Variants in AKAP19 observed in about 807,000 individuals in gnomAD.
The protein encoded by AKAP19 is small A-kinase anchoring protein.
the AKAP19 span, among the ~76,000 whole-genome samples, chr2:190,147,219 G>T: frequency 0.27 from 40,790 of 151,956 alleles, 5,654 homozygotes; most frequent in Admixed American, 0.37. Flanking sequence ...CCTACATGTG[G>T]CTTGCCAATT....
the AKAP19 span, chr2:189,923,609 C>G: frequency 1.8e-4 from 291 of 1,613,908 alleles, 1 homozygote; most frequent in Non-Finnish European, 1.1e-4. Context: ...AAAAGTGAAC[C>G]GAGGAAAAGC....
At chr2:190,005,895 C>T in the AKAP19 span, among the ~76,000 whole-genome samples, 1 of 152,072 alleles carries the variant, frequency 6.6e-6, no homozygotes, top group Non-Finnish European at 1.5e-5. Context: ...TCACATTTTC[C>T]TTGGTCAATT....
At chr2:190,105,713 TCTCAG>T in the AKAP19 span, among the ~76,000 whole-genome samples, 2 of 152,228 alleles carry the variant, frequency 1.3e-5, no homozygotes, top group African/African-American at 4.8e-5. Flanking sequence ...TTGTCTCCCA[TCTCAG>T]CTCAGCCCTC....
the AKAP19 span, among the ~76,000 whole-genome samples, chr2:189,967,854 T>TAA: frequency 7.2e-6 from 1 of 139,806 alleles, no homozygotes; most frequent in African/African-American, 2.6e-5. Context: ...AATTTGAAAT[T>TAA]AAAAAAAAAA....
chr2:190,028,662 A>C, the AKAP19 span, among the ~76,000 whole-genome samples: 3 of 152,224 alleles, frequency 2.0e-5, no homozygotes, highest in Non-Finnish European at 4.4e-5. Flanking sequence ...TAATTAAGAA[A>C]CATTCCAGCA....
At chr2:189,904,776 A>G in the AKAP19 span, among the ~76,000 whole-genome samples, 2 of 152,014 alleles carry the variant, frequency 1.3e-5, no homozygotes, top group Non-Finnish European at 2.9e-5. Flanking sequence ...TCTAGAGTGA[A>G]AGAACTATGT....
chr2:189,907,253 T>C, the AKAP19 span, among the ~76,000 whole-genome samples: 6 of 152,172 alleles, frequency 3.9e-5, no homozygotes, highest in African/African-American at 1.4e-4. Context: ...TTTTATTTTC[T>C]CTCTGATTTT....
At chr2:189,985,022 T>A in the AKAP19 span, among the ~76,000 whole-genome samples, 1 of 152,082 alleles carries the variant, frequency 6.6e-6, no homozygotes, top group South Asian at 2.1e-4. Context: ...TTGCCACTGA[T>A]AATGTTGTCC....
At chr2:189,912,012 G>A in the AKAP19 span, among the ~76,000 whole-genome samples, 2 of 151,672 alleles carry the variant, frequency 1.3e-5, no homozygotes, top group African/African-American at 4.8e-5. Flanking sequence ...TGTATATCCA[G>A]TTATGGCAAC....
the AKAP19 span, chr2:189,917,578 G>T: frequency 3.5e-5 from 16 of 457,796 alleles, no homozygotes; most frequent in Non-Finnish European, 6.3e-5. Flanking sequence ...AGGTCTTATT[G>T]CTGGGCTCCA....
chr2:190,008,846 A>G, the AKAP19 span, among the ~76,000 whole-genome samples: 1 of 152,104 alleles, frequency 6.6e-6, no homozygotes, highest in Non-Finnish European at 1.5e-5. Context: ...AAAAATGAGT[A>G]AGTAAAGCAG....
At chr2:190,070,480 A>T in the AKAP19 span, among the ~76,000 whole-genome samples, 1 of 151,928 alleles carries the variant, frequency 6.6e-6, no homozygotes, top group South Asian at 2.1e-4. Flanking sequence ...AATTAGATTT[A>T]GCATGAACAT....
chr2:190,021,882 A>G, the AKAP19 span, among the ~76,000 whole-genome samples: 1 of 152,152 alleles, frequency 6.6e-6, no homozygotes, highest in Admixed American at 6.5e-5. Flanking sequence ...AGAACAAAAT[A>G]ATTTGTTTCT....
At chr2:189,994,635 G>A in the AKAP19 span, among the ~76,000 whole-genome samples, 1 of 151,710 alleles carries the variant, frequency 6.6e-6, no homozygotes, top group Non-Finnish European at 1.5e-5. Flanking sequence ...GTCTCATTCT[G>A]TCACCCAAGC....
chr2:190,144,523 C>T, the AKAP19 span, among the ~76,000 whole-genome samples: 1 of 152,082 alleles, frequency 6.6e-6, no homozygotes, highest in African/African-American at 2.4e-5. Context: ...GCATTTCCAC[C>T]CTTTTCTCTC....
At chr2:190,150,655 A>C in the AKAP19 span, among the ~76,000 whole-genome samples, 27 of 152,162 alleles carry the variant, frequency 1.8e-4, no homozygotes, top group Non-Finnish European at 4.4e-5. Context: ...GTATGGAGCT[A>C]AAATTCAAAT....
chr2:189,969,728 CAA>C, the AKAP19 span, among the ~76,000 whole-genome samples: 57 of 49,442 alleles, frequency 1.2e-3, no homozygotes, highest in East Asian at 0.025. Flanking sequence ...GACTCCATCT[CAA>C]AAAAAAAAAA....
At chr2:190,063,968 T>C in the AKAP19 span, among the ~76,000 whole-genome samples, 1 of 152,128 alleles carries the variant, frequency 6.6e-6, no homozygotes, top group African/African-American at 2.4e-5. Flanking sequence ...CTACTCCTTT[T>C]TGGGAAGCTA....
the AKAP19 span, among the ~76,000 whole-genome samples, chr2:189,979,846 A>G: frequency 2.6e-5 from 4 of 152,226 alleles, no homozygotes; most frequent in Non-Finnish European, 4.4e-5. Context: ...CATCAGAGAA[A>G]CACAAATTAA....
Sources: gnomAD v4.1 joint callset for allele counts (sites outside exome capture counted in the v4.1 genomes callset) on GRCh38, gnomAD v4.1.1 for gene constraint, MANE v1.5 for transcripts, NCBI Gene and HGNC (gene_info 2026-07-23, HGNC 2026-07-21) for gene names.